Variants in SYNRG observed in about 807,000 individuals in gnomAD.
SYNRG encodes synergin gamma.
Under a neutral mutation model 130.9 loss-of-function variants are expected in SYNRG, and 37 were observed. The observed-to-expected ratio is 0.28, with a 90% CI of 0.22 to 0.37. The LOEUF (loss-of-function observed/expected upper bound fraction) is 0.37. Ranked by LOEUF, SYNRG falls within the 10% of genes least tolerant of loss-of-function variation. The pLI, the probability that SYNRG is intolerant of heterozygous loss-of-function variation, is 1.00. For missense variants in SYNRG, 1,338 were observed against 1,588.9 expected, an observed-to-expected ratio of 0.84 and a Z score of 2.68; for synonymous variants, 539 against 568.1, an observed-to-expected ratio of 0.95 and a Z score of 0.73.
At chr17:37,541,139 A>G in intron 15 of SYNRG, 2 of 985,514 alleles carry the variant, frequency 2.0e-6, no homozygotes, top group Non-Finnish European at 2.4e-6. Flanking sequence ...TCTGGAGAAC[A>G]AAAGCACCTT....
At chr17:37,576,078 A>G (rs932681144) in intron 8 of SYNRG, among the ~76,000 whole-genome samples, 1 of 152,186 alleles carries the variant, frequency 6.6e-6, no homozygotes, top group Non-Finnish European at 1.5e-5. Flanking sequence ...AATAAATCTA[A>G]GAGAGCTTTT....
At chr17:37,520,455 T>C (rs1373052148) in intron 20 of SYNRG, 83 bp downstream of exon 20, 1 of 1,342,356 alleles carries the variant, frequency 7.4e-7, no homozygotes, top group Admixed American at 1.7e-5. Context: ...TCACAAACTC[T>C]GCAGTAAAGT....
Position 37,568,780 on chromosome 17 carries a change from C to G in SYNRG, c.1481+11G>C. 2 of 1,612,044 alleles carry G rather than the reference C, an allele frequency of 1.2e-6. No individual in the cohort carries two copies. The highest frequency in any genetic ancestry group is 2.2e-5 in the South Asian group (2 of 90,520). ...TAAATGCAATGTTAAATATATTAAA[C>G]TCTTTTCTACCTGTTTCCATGCTGG... On this transcript the variant is annotated intron_variant, in intron 11 of 21. Transcript: ENST00000612223.
chr17:37,517,995 A>G lies in SYNRG; in HGVS notation c.*945T>C, dbSNP rs2054557615. The G allele has an allele frequency of 6.6e-6, 1 of 152,000 alleles. No homozygotes were observed. Among genetic ancestry groups the G allele is most frequent in the South Asian group, 2.1e-4 (1 of 4,814 alleles). The allele number at this position is 152,000 out of a possible 1,614,324, so 9.4% of individuals were successfully genotyped here. A position where few individuals can be genotyped will look rare whatever the true frequency, so the allele number is the denominator to read the frequency against. ...CCATAAATATACATCTTGATACTTT[A>G]CACTAGGCCGAGAGCTCCACATTTT... On this transcript the variant is annotated 3_prime_UTR_variant, in exon 22 of 22. Coordinates refer to ENST00000612223, the MANE Select transcript of SYNRG (RefSeq NM_007247.6).
intron 8 of SYNRG, among the ~76,000 whole-genome samples, chr17:37,575,606 C>A (rs1340761429): frequency 6.6e-6 from 1 of 151,166 alleles, no homozygotes; most frequent in East Asian, 1.9e-4. Context: ...TTTGGGAGAC[C>A]AAGGCAGGCA....
At chr17:37,532,735 T>A (rs1051863812) in intron 19 of SYNRG, among the ~76,000 whole-genome samples, 10 of 151,764 alleles carry the variant, frequency 6.6e-5, no homozygotes, top group African/African-American at 2.2e-4. Flanking sequence ...AATTTGAATT[T>A]ATGTTTACTG....
intron 14 of SYNRG, among the ~76,000 whole-genome samples, chr17:37,548,825 T>TAAA (rs549765253): frequency 3.0e-5 from 3 of 100,978 alleles, no homozygotes; most frequent in African/African-American, 1.1e-4. Context: ...AACTCTGTCT[T>TAAA]AAAAAAAAAA....
rs139084634 is a variant in SYNRG, at chr17:37,547,543, A to C, written c.2609-4978T>G. Reference sequence around the variant, plus strand: ...AGTGGCACAATCTCAGCTCACTGCAACCTCCACCTCACAGGTTCAAGCAAT... The same window carrying C: ...AGTGGCACAATCTCAGCTCACTGCACCCTCCACCTCACAGGTTCAAGCAAT... On this transcript the variant is annotated intron_variant, in intron 14 of 21. Transcript: ENST00000612223. 4.4e-3 allele frequency among the ~76,000 whole-genome samples: 661 copies of C among 151,422 alleles called. 3 individuals carry two copies. The highest frequency in any genetic ancestry group is 0.015 in the African/African-American group (625 of 41,202).
At chr17:37,578,748 G>A (rs144911733) in intron 6 of SYNRG, among the ~76,000 whole-genome samples, 2 of 152,230 alleles carry the variant, frequency 1.3e-5, no homozygotes, top group Non-Finnish European at 2.9e-5. Flanking sequence ...GGACAACCTG[G>A]GCTTCTGCCC....
rs554941294 is a variant in SYNRG at position 37,515,015 on chromosome 17, T to G, written c.*3925A>C. The G allele has an allele frequency of 6.6e-6, 1 of 152,338 alleles. No individual in the cohort carries two copies. The highest frequency in any genetic ancestry group is 2.4e-5 in the African/African-American group (1 of 41,576). The allele number at this position is 152,338 out of a possible 1,614,324, so 9.4% of individuals were successfully genotyped here. ...TCACGCAGAAGACAACGCATTTCGC[T>G]AAGGGCCACAGCATTCACTGGTTAA... On this transcript the variant is annotated 3_prime_UTR_variant, in exon 22 of 22. Coordinates refer to ENST00000612223, the MANE Select transcript of SYNRG (RefSeq NM_007247.6).
At chr17:37,606,614 C>T (rs2063769808) in intron 1 of SYNRG, among the ~76,000 whole-genome samples, 1 of 151,944 alleles carries the variant, frequency 6.6e-6, no homozygotes, top group African/African-American at 2.4e-5. Context: ...CAGACTAATC[C>T]AGATCTTTCA....
chr17:37,602,555 A>G lies in SYNRG; in HGVS notation c.78-2152T>C, dbSNP rs568677487. The stretch of plus-strand genomic sequence containing the variant: ...AGTTACCAGTGTCTAATGCTGTAGA[A>G]TAGCGGTGAGAATGAAGATTAAAAA... On this transcript the variant is annotated intron_variant, in intron 1 of 21. Transcript: ENST00000612223. Among the ~76,000 whole-genome samples the G allele has an allele frequency of 2.0e-5, 3 of 152,346 alleles. No individual in the cohort carries two copies. In the South Asian group the frequency reaches 6.2e-4, roughly 32 times the overall value.
chr17:37,584,052 T>C (rs1308001538), intron 6 of SYNRG, among the ~76,000 whole-genome samples: 1 of 152,184 alleles, frequency 6.6e-6, no homozygotes, highest in Non-Finnish European at 1.5e-5. Context: ...ACAAGACTCA[T>C]TTCAACTGCT....
At chr17:37,582,110 T>C (rs1440647704) in intron 6 of SYNRG, among the ~76,000 whole-genome samples, 2 of 152,186 alleles carry the variant, frequency 1.3e-5, no homozygotes, top group Non-Finnish European at 2.9e-5. Context: ...GACTAAAGTC[T>C]ATTGTCACAA....
At chr17:37,606,043 C>A in intron 1 of SYNRG, 1 of 974,670 alleles carries the variant, frequency 1.0e-6, no homozygotes, top group East Asian at 1.1e-4. Flanking sequence ...CAAGACGCAC[C>A]CCTGAAGTTA....
chr17:37,535,339 G>A (rs1214429351), intron 19 of SYNRG, among the ~76,000 whole-genome samples: 3 of 152,208 alleles, frequency 2.0e-5, no homozygotes, highest in African/African-American at 7.2e-5. Context: ...AGGACATAAT[G>A]TAGAGAAATG....
intron 1 of SYNRG, among the ~76,000 whole-genome samples, chr17:37,607,974 A>AC (rs2063942114): frequency 2.8e-4 from 42 of 150,644 alleles, no homozygotes; most frequent in African/African-American, 8.3e-4. Context: ...AAAAAAAAAA[A>AC]AAAAAACAAG....
Position 37,518,773 on chromosome 17 carries a change from A to C in SYNRG, c.*167T>G, listed in dbSNP as rs1019445782. ...GTTTGGGTGGGACAATTTTACCTGA[A>C]GTCCTGCAGACTGGCCGTGGGGATG... On this transcript the variant is annotated 3_prime_UTR_variant, in exon 22 of 22. Transcript: ENST00000612223. The C allele has an allele frequency of 8.8e-6, 7 of 798,168 alleles. No homozygotes were observed. The highest frequency in any genetic ancestry group is 1.3e-5 in the Non-Finnish European group (7 of 527,228). 49.4% of individuals were successfully genotyped at this position (798,168 alleles called of 1,614,324 possible). A position where few individuals can be genotyped will look rare whatever the true frequency, so the allele number is the denominator to read the frequency against.
chr17:37,520,113 T>C, intron 21 of SYNRG, 66 bp downstream of exon 21: 1 of 1,558,328 alleles, frequency 6.4e-7, no homozygotes, highest in South Asian at 1.1e-5. Flanking sequence ...GATAGAATCA[T>C]CCAATTTGCC....
Sources: allele counts gnomAD v4.1 joint callset (sites outside exome capture counted in the v4.1 genomes callset), GRCh38; gene constraint gnomAD v4.1.1; transcripts MANE v1.5; gene names NCBI Gene and HGNC (gene_info 2026-07-23, HGNC 2026-07-21).